Variants in DACH2 observed in about 807,000 individuals in gnomAD.
The protein encoded by DACH2 is dachshund family transcription factor 2, also known as dachshund homolog 2.
Under a neutral mutation model 35.8 loss-of-function variants are expected in DACH2, and 17 were observed. The observed-to-expected ratio is 0.48, with a 90% CI of 0.33 to 0.71. The LOEUF (loss-of-function observed/expected upper bound fraction) is 0.71, where lower values mean the gene tolerates loss of function less well. Ranked by LOEUF, DACH2 falls within the 30% of genes least tolerant of loss-of-function variation. DACH2 has a pLI of 0.02. For synonymous variants in DACH2, 195 were observed against 177.3 expected, an observed-to-expected ratio of 1.10 and a Z score of -0.79; for missense variants, 469 against 472.7, an observed-to-expected ratio of 0.99 and a Z score of 0.07.
chrX:86,152,101 A>G (rs1428372319), intron 1 of DACH2, among the ~76,000 whole-genome samples: 1 of 112,147 alleles, frequency 8.9e-6, no homozygotes, highest in Non-Finnish European at 1.9e-5. Context: ...ACTCTTAAAC[A>G]CTATTCTTAT....
At chrX:86,765,077 T>G (rs1169624391) in intron 7 of DACH2, among the ~76,000 whole-genome samples, 1 of 111,981 alleles carries the variant, frequency 8.9e-6, no homozygotes, top group Admixed American at 9.5e-5. Context: ...AGTGGATTTT[T>G]TTTGTTTGTT....
chrX:86,655,002 G>T (rs1424044509), intron 4 of DACH2, among the ~76,000 whole-genome samples: 2 of 111,483 alleles, frequency 1.8e-5, no homozygotes, highest in Non-Finnish European at 3.8e-5. Context: ...TGTCTTTGTT[G>T]CCCTTTGGGT....
intron 3 of DACH2, among the ~76,000 whole-genome samples, chrX:86,562,668 T>C (rs780147776): frequency 1.8e-5 from 2 of 111,693 alleles, no homozygotes; most frequent in Non-Finnish European, 3.8e-5. Context: ...AAAACTTTGG[T>C]ATTCTAGTTT....
chrX:86,256,906 A>G (rs1224301448), intron 1 of DACH2, among the ~76,000 whole-genome samples: 2 of 111,520 alleles, frequency 1.8e-5, no homozygotes, highest in African/African-American at 6.5e-5. Context: ...AACATTTGGG[A>G]ATTTGTGTAA....
chrX:86,596,580 C>CT (rs1362127109), intron 3 of DACH2, among the ~76,000 whole-genome samples: 2 of 110,477 alleles, frequency 1.8e-5, no homozygotes, highest in South Asian at 3.8e-4. Flanking sequence ...AATTTTTTGT[C>CT]TTTTTTTAAG....
At chrX:86,184,007 G>A (rs1038713892) in intron 1 of DACH2, among the ~76,000 whole-genome samples, 3 of 110,820 alleles carry the variant, frequency 2.7e-5, no homozygotes, top group Non-Finnish European at 3.8e-5. Context: ...TATTTCTGTG[G>A]GATCAGTGGT....
At chrX:86,316,284 G>C (rs185848627) in intron 1 of DACH2, among the ~76,000 whole-genome samples, 44 of 110,188 alleles carry the variant, frequency 4.0e-4, no homozygotes, top group African/African-American at 1.4e-3. Context: ...GTGGGCCTAA[G>C]GGGAAAGGAA....
At chrX:86,206,587 A>G (rs911954936) in intron 1 of DACH2, among the ~76,000 whole-genome samples, 1 of 112,622 alleles carries the variant, frequency 8.9e-6, no homozygotes, top group Non-Finnish European at 1.9e-5. Flanking sequence ...ACCAGAAGCC[A>G]GACTAGAGTC....
intron 7 of DACH2, among the ~76,000 whole-genome samples, chrX:86,741,876 G>A: frequency 9.0e-6 from 1 of 111,363 alleles, no homozygotes. Flanking sequence ...GTCGCCATGA[G>A]TTAGACAGTA....
chrX:86,832,114 T>A lies in DACH2; in HGVS notation c.1759T>A (p.Tyr587Asn). Residue 587 changes from tyrosine (Y) to asparagine (N), a missense_variant, in exon 12 of 12, where the codon TAT (tyrosine) becomes AAT (asparagine). Physicochemically the swap from Tyr to Asn is moderately radical, Grantham distance 143. Transcript: ENST00000373125. Reference protein sequence around the residue: ...HDSAAMQGGNYYCLEMAQQLY... With the variant: ...HDSAAMQGGNNYCLEMAQQLY... ...TTTTCTTTTTTTTTAAGGAGGTAACTATTACTGTTTAGAAATGGCACAACA... is the reference window on the plus strand; with the variant it reads ...TTTTCTTTTTTTTTAAGGAGGTAACAATTACTGTTTAGAAATGGCACAACA... The A allele has an allele frequency of 1.7e-6, 2 of 1,188,978 alleles. No individual in the cohort carries two copies. The highest frequency in any genetic ancestry group is 2.3e-6 in the Non-Finnish European group (2 of 877,017).
intron 7 of DACH2, among the ~76,000 whole-genome samples, chrX:86,740,927 A>G (rs972609852): frequency 1.8e-5 from 2 of 111,432 alleles, no homozygotes; most frequent in Non-Finnish European, 3.8e-5. Flanking sequence ...ATAGAAGTCG[A>G]CAGGTACATT....
At chrX:86,313,327 G>A (rs373242294) in intron 1 of DACH2, among the ~76,000 whole-genome samples, 73 of 111,775 alleles carry the variant, frequency 6.5e-4, no homozygotes, top group African/African-American at 2.3e-3. Context: ...ATATGACATT[G>A]CACAGGAGGT....
chrX:86,272,140 A>C (rs1047585362), intron 1 of DACH2, among the ~76,000 whole-genome samples: 1 of 110,580 alleles, frequency 9.0e-6, no homozygotes, highest in Non-Finnish European at 1.9e-5. Flanking sequence ...AGTTCCATCC[A>C]TGTTGCTGCG....
At chrX:86,276,721 AG>A (rs2033923339) in intron 1 of DACH2, among the ~76,000 whole-genome samples, 1 of 112,190 alleles carries the variant, frequency 8.9e-6, no homozygotes, top group East Asian at 2.8e-4. Flanking sequence ...CAAGAGATAG[AG>A]ATCTGGTTTC....
chrX:86,777,947 T>A (rs1968125299), intron 7 of DACH2, among the ~76,000 whole-genome samples: 1 of 111,598 alleles, frequency 9.0e-6, no homozygotes, highest in South Asian at 3.7e-4. Flanking sequence ...AATAAAAAAA[T>A]ATGGATTTGA....
At chrX:86,446,556 G>C (rs1272172000) in intron 2 of DACH2, among the ~76,000 whole-genome samples, 1 of 46,438 alleles carries the variant, frequency 2.2e-5, no homozygotes, top group African/African-American at 8.6e-5. Flanking sequence ...TTGGTTTTTT[G>C]TTCTTGCGAT....
At chrX:86,239,282 G>T (rs750568298) in intron 1 of DACH2, among the ~76,000 whole-genome samples, 18 of 111,106 alleles carry the variant, frequency 1.6e-4, no homozygotes, top group Non-Finnish European at 2.8e-4. Flanking sequence ...TTTTGTGAGG[G>T]AAATACACCT....
intron 5 of DACH2, among the ~76,000 whole-genome samples, chrX:86,704,976 AAT>A (rs776847973): frequency 9.3e-6 from 1 of 108,068 alleles, no homozygotes; most frequent in East Asian, 2.9e-4. Flanking sequence ...CAATTGCAAA[AAT>A]ATGGAACCAG....
chrX:86,632,113 G>C (rs2040207815), intron 3 of DACH2, among the ~76,000 whole-genome samples: 1 of 111,192 alleles, frequency 9.0e-6, no homozygotes, highest in Non-Finnish European at 1.9e-5. Flanking sequence ...CTTTATTCTG[G>C]TCAGTGACAT....
Sources: gnomAD v4.1 joint callset for allele counts (sites outside exome capture counted in the v4.1 genomes callset) on GRCh38, gnomAD v4.1.1 for gene constraint, MANE v1.5 for transcripts, NCBI Gene and HGNC (gene_info 2026-07-23, HGNC 2026-07-21) for gene names.